Variants in TCP11 observed in about 807,000 individuals in gnomAD.
The protein encoded by TCP11 is t-complex 11.
TCP11 carries 34 observed loss-of-function variants against 45.0 expected under a neutral mutation model. The observed-to-expected ratio is 0.76, with a 90% CI of 0.57 to 1.01. The LOEUF is 1.01. Ranked by LOEUF, TCP11 falls within the 50% of genes least tolerant of loss-of-function variation. TCP11 has a pLI of 0.00. For missense variants in TCP11, 523 were observed against 598.1 expected, an observed-to-expected ratio of 0.87 and a Z score of 1.31; for synonymous variants, 227 against 227.0, an observed-to-expected ratio of 1.00 and a Z score of 0.00.
At chr6:35,132,541 A>G (rs969268847) in intron 3 of TCP11, among the ~76,000 whole-genome samples, 2 of 152,240 alleles carry the variant, frequency 1.3e-5, no homozygotes, top group Non-Finnish European at 2.9e-5. Flanking sequence ...ATAAGGACTC[A>G]ATAAATGCCT....
chr6:35,133,364 G>T (rs939139317), intron 3 of TCP11, among the ~76,000 whole-genome samples: 1 of 151,776 alleles, frequency 6.6e-6, no homozygotes, highest in East Asian at 1.9e-4. Context: ...ATTTTTTTTT[G>T]TAGAGACGAG....
intron 8 of TCP11, 121 bp from the exon 9 acceptor site, chr6:35,119,512 A>C (rs1581795488): frequency 8.3e-7 from 1 of 1,211,962 alleles, no homozygotes; most frequent in Non-Finnish European, 1.1e-6. Context: ...CACCCTCTCC[A>C]CCCCTAAACC....
At position 35,140,902 on chromosome 6, in the gene TCP11, G is replaced by T; in HGVS notation, c.-14-18C>A. Reference sequence around the variant, plus strand: ...GATGGTATCTGGGTGAGGGAGAAAGGCGTGTTGTTGGCGTCGGGGAAGGGG... The same window carrying T: ...GATGGTATCTGGGTGAGGGAGAAAGTCGTGTTGTTGGCGTCGGGGAAGGGG... On this transcript the variant is annotated intron_variant, in intron 1 of 9. Transcript: ENST00000311875. 1 of 1,545,786 alleles carries T rather than the reference G, an allele frequency of 6.5e-7. No homozygotes were observed. Among genetic ancestry groups the T allele is most frequent in the Non-Finnish European group, 8.7e-7 (1 of 1,151,484 alleles).
chr6:35,121,078 C>G (rs13203612), intron 5 of TCP11, 33 bp from the exon 6 acceptor site: 239,005 of 1,568,588 alleles, frequency 0.15, 20,475 homozygotes, highest in African/African-American at 0.29. Context: ...ATTTATACTA[C>G]TAAGCTAGAA....
chr6:35,129,992 G>A (rs769230590), intron 3 of TCP11, among the ~76,000 whole-genome samples: 1 of 151,614 alleles, frequency 6.6e-6, no homozygotes, highest in Admixed American at 6.6e-5. Context: ...TATGTTGCTC[G>A]GGCTGGTCTT....
chr6:35,124,623 G>A (rs906359605), intron 4 of TCP11, among the ~76,000 whole-genome samples: 2 of 152,120 alleles, frequency 1.3e-5, no homozygotes, highest in East Asian at 1.9e-4. Context: ...AAGAGACCAA[G>A]CATATACTGG....
intron 1 of TCP11, 51 bp downstream of exon 1, chr6:35,141,154 C>G: frequency 1.5e-6 from 2 of 1,322,672 alleles, no homozygotes; most frequent in Non-Finnish European, 9.6e-7. Flanking sequence ...CGAGGTGCCC[C>G]CCTCGCCCGA....
At chr6:35,119,748 T>C (rs755085140) in intron 8 of TCP11, among the ~76,000 whole-genome samples, 9 of 152,362 alleles carry the variant, frequency 5.9e-5, no homozygotes, top group Non-Finnish European at 1.3e-4. Context: ...AAGACTTTCT[T>C]AGGCATTTTC....
chr6:35,129,832 T>C (rs1032939735), intron 3 of TCP11, among the ~76,000 whole-genome samples: 1 of 152,218 alleles, frequency 6.6e-6, no homozygotes, highest in Admixed American at 6.5e-5. Flanking sequence ...TGGAATGCGA[T>C]GGCACAATCA....
chr6:35,140,918 G>A (rs762005429), intron 1 of TCP11, 34 bp from the exon 2 acceptor site: 5 of 1,528,702 alleles, frequency 3.3e-6, no homozygotes, highest in Middle Eastern at 1.8e-4. Flanking sequence ...TGTTGGCGTC[G>A]GGGAAGGGGC....
In TCP11 at chr6:35,133,136, A is replaced by C. The variant is rs531614741; in HGVS notation, c.236+2971T>G. 1.1e-4 allele frequency among the ~76,000 whole-genome samples: 16 copies of C among 152,238 alleles called. No homozygotes were observed. The South Asian group carries it at 3.1e-3, about 30-fold the overall frequency. On this transcript the variant is annotated intron_variant, in intron 3 of 9. Transcript: ENST00000311875. ...GAAAATTAGAACAATTTTATTTTTC[A>C]ATTGTTTTTTCTTTTCTCAGCCTCA... is the stretch of plus-strand genomic sequence containing the variant.
intron 8 of TCP11, 95 bp from the exon 9 acceptor site, chr6:35,119,486 G>T (rs1778996104): frequency 2.1e-6 from 3 of 1,459,842 alleles, no homozygotes; most frequent in Non-Finnish European, 2.8e-6. Context: ...AGGCCCACTT[G>T]AGGGAGAATG....
Position 35,120,510 on chromosome 6 carries a change from C to T in TCP11, c.852G>A (p.Glu284=). ...PSPNEAANNP[E]PLSPTMVLCQ... is the part of the protein sequence containing the mutation. ...ACAGCACCATTGTGGGGCTGAGGGG[C>T]TCTGGGTTGTTGGCTGCCTCATTGG... Residue 284 remains glutamate (E), a synonymous_variant, in exon 7 of 10, where the codon GAG becomes GAA. Coordinates refer to ENST00000311875, the MANE Select transcript of TCP11 (RefSeq NM_001370687.1). The surrounding 1 kb of genome is among the most constrained non-coding windows in gnomAD (Gnocchi z 4.9). 6.2e-7 allele frequency: 1 copy of T among 1,613,942 alleles called. No individual in the cohort carries two copies. Among genetic ancestry groups the T allele is most frequent in the Non-Finnish European group, 8.5e-7 (1 of 1,179,960 alleles).
At chr6:35,132,059 G>A (rs146672568) in intron 3 of TCP11, among the ~76,000 whole-genome samples, 6 of 152,220 alleles carry the variant, frequency 3.9e-5, no homozygotes, top group East Asian at 1.9e-4. Context: ...AAAGTCCTTC[G>A]GGGGCTCCCC....
At chr6:35,121,905 G>C (rs1363599666) in intron 5 of TCP11, among the ~76,000 whole-genome samples, 1 of 152,122 alleles carries the variant, frequency 6.6e-6, no homozygotes, top group Non-Finnish European at 1.5e-5. Context: ...ATTACAGAGG[G>C]GGGGCCCAAT....
In TCP11 at chr6:35,130,012, G is replaced by A. The variant is rs114383685; in HGVS notation, c.237-830C>T. 6.7e-3 allele frequency among the ~76,000 whole-genome samples: 1,012 copies of A among 151,974 alleles called. 6 individuals carry two copies. The highest frequency in any genetic ancestry group is 0.01 in the Non-Finnish European group (686 of 67,964). On this transcript the variant is annotated intron_variant, in intron 3 of 9. Transcript: ENST00000311875. ...TGCTCGGGCTGGTCTTGAACTCCAG[G>A]GCTCAAGAAATCCACTTGCCTCTGC... is the stretch of plus-strand genomic sequence containing the variant.
At chr6:35,135,052 C>T (rs1255459236) in intron 3 of TCP11, among the ~76,000 whole-genome samples, 3 of 150,970 alleles carry the variant, frequency 2.0e-5, no homozygotes, top group Non-Finnish European at 4.4e-5. Context: ...GAGGCTGAGG[C>T]AGGATAATTG....
rs910770165 is a variant in TCP11, at chr6:35,141,307, G to A, written c.-117C>T. 5.5e-6 allele frequency: 7 copies of A among 1,276,764 alleles called. No individual in the cohort carries two copies. The highest frequency in any genetic ancestry group is 8.4e-5 in the Admixed American group (2 of 23,910). 79.1% of individuals were successfully genotyped at this position (1,276,764 alleles called of 1,614,324 possible). On this transcript the variant is annotated 5_prime_UTR_variant, in exon 1 of 10. It adds an upstream start codon to the 5' untranslated region. Coordinates refer to ENST00000311875, the MANE Select transcript of TCP11 (RefSeq NM_001370687.1). ...CCGCGGCGGAGCGGCGGGTTGGGGCGTCGCACGGTGAGAAAGGCCGGGGCC... is the reference window on the plus strand; with the variant it reads ...CCGCGGCGGAGCGGCGGGTTGGGGCATCGCACGGTGAGAAAGGCCGGGGCC...
intron 3 of TCP11, among the ~76,000 whole-genome samples, chr6:35,135,325 T>C (rs530358663): frequency 5.3e-5 from 8 of 152,274 alleles, no homozygotes; most frequent in Admixed American, 5.2e-4. Flanking sequence ...TAGTATATAA[T>C]ATATAGTACA....
Sources: allele counts gnomAD v4.1 joint callset (sites outside exome capture counted in the v4.1 genomes callset), GRCh38; gene constraint gnomAD v4.1.1; non-coding constraint Gnocchi (gnomAD v3.1); transcripts MANE v1.5; gene names NCBI Gene and HGNC (gene_info 2026-07-23, HGNC 2026-07-21).